Variants in SGIP1 observed in about 807,000 individuals in gnomAD.
The protein encoded by SGIP1 is SH3GL interacting endocytic adaptor 1, also known as SH3-containing GRB2-like protein 3-interacting protein 1.
In SGIP1, 38 loss-of-function variants were observed where a neutral mutation model predicts 107.5. The ratio of observed to expected loss-of-function variants is 0.35; its 90% CI spans 0.27 to 0.46. SGIP1 has a LOEUF of 0.46. Ranked by LOEUF, SGIP1 falls within the 20% of genes least tolerant of loss-of-function variation. SGIP1 has a pLI of 1.00. For missense variants in SGIP1, 929 were observed against 1,019.5 expected (o/e 0.91, Z 1.21); for synonymous variants, 365 against 366.1 (o/e 1.00, Z 0.03).
At chr1:66,722,969 T>C (rs1243279413) in intron 19 of SGIP1, among the ~76,000 whole-genome samples, 1 of 152,236 alleles carries the variant, frequency 6.6e-6, no homozygotes, top group Non-Finnish European at 1.5e-5. Context: ...TGTTTTTAAT[T>C]TTATTGCCAT....
intron 1 of SGIP1, among the ~76,000 whole-genome samples, chr1:66,591,954 C>A (rs2063711768): frequency 6.6e-6 from 1 of 152,190 alleles, no homozygotes; most frequent in South Asian, 2.1e-4. Context: ...GTATTGCCAC[C>A]AGCATGTCTC....
chr1:66,561,038 C>A (rs943988340), intron 1 of SGIP1, among the ~76,000 whole-genome samples: 1 of 152,020 alleles, frequency 6.6e-6, no homozygotes, highest in South Asian at 2.1e-4. Context: ...CCCCAAACAA[C>A]CCTGAAAGAT....
At chr1:66,667,574 G>C in intron 9 of SGIP1, 33 bp downstream of exon 9, 1 of 1,611,398 alleles carries the variant, frequency 6.2e-7, no homozygotes, top group Non-Finnish European at 8.5e-7. Context: ...CCTTAAACAT[G>C]TATAGAGAAA....
chr1:66,576,754 G>T (rs893746274), intron 1 of SGIP1, among the ~76,000 whole-genome samples: 1 of 152,054 alleles, frequency 6.6e-6, no homozygotes, highest in Non-Finnish European at 1.5e-5. Context: ...AGATAAGAAC[G>T]GTACTGGCCA....
In SGIP1 at chr1:66,748,830, C is replaced by T. The variant is rs1244247867; in HGVS notation, c.*5735C>T. Among the ~76,000 whole-genome samples, 3 of 151,916 alleles carry T rather than the reference C, an allele frequency of 2.0e-5. No individual in the cohort carries two copies. The highest frequency in any genetic ancestry group is 4.4e-5 in the Non-Finnish European group (3 of 67,872). ...TGGTCCTATACTATAATTCTCTCTC[C>T]TTGGACATTGACAATAAATGTTAGT... On this transcript the variant is annotated 3_prime_UTR_variant, in exon 25 of 25. Transcript: ENST00000371037.
intron 3 of SGIP1, chr1:66,634,111 T>A: frequency 6.2e-7 from 1 of 1,610,014 alleles, no homozygotes; most frequent in Non-Finnish European, 8.5e-7. Context: ...AAGACTCAGC[T>A]TCTCCTCACC....
chr1:66,738,073 T>C (rs2094328736), intron 21 of SGIP1, among the ~76,000 whole-genome samples: 1 of 152,232 alleles, frequency 6.6e-6, no homozygotes, highest in African/African-American at 2.4e-5. Context: ...CTGCTTTTGA[T>C]CTGCTTTAGT....
At chr1:66,535,082 C>T (rs17129052) in intron 1 of SGIP1, among the ~76,000 whole-genome samples, 45 of 152,228 alleles carry the variant, frequency 3.0e-4, no homozygotes, top group South Asian at 2.9e-3. Context: ...ATGATCTTTT[C>T]GCATATTCAA....
rs917077247 is a variant in SGIP1, at chr1:66,638,019, T to G, written c.172-1758T>G. Reference sequence around the variant, plus strand: ...CAGTAATTTATCTAATCTGTGGTTTTGGGTAACAATCCTAGATCACAAAAT... The same window carrying G: ...CAGTAATTTATCTAATCTGTGGTTTGGGGTAACAATCCTAGATCACAAAAT... On this transcript the variant is annotated intron_variant, in intron 4 of 24. Transcript: ENST00000371037. 2.0e-5 allele frequency among the ~76,000 whole-genome samples: 3 copies of G among 152,082 alleles called. No homozygotes were observed. In the East Asian group the frequency reaches 5.8e-4, roughly 29 times the overall value.
intron 1 of SGIP1, among the ~76,000 whole-genome samples, chr1:66,593,400 C>T (rs763808303): frequency 2.0e-5 from 3 of 152,096 alleles, no homozygotes; most frequent in Non-Finnish European, 4.4e-5. Context: ...TACCACTTTG[C>T]GTTTCTACTA....
At chr1:66,697,898 G>A (rs981894811) in intron 18 of SGIP1, among the ~76,000 whole-genome samples, 11 of 151,932 alleles carry the variant, frequency 7.2e-5, no homozygotes, top group Admixed American at 6.6e-4. Flanking sequence ...AGGGCACTCT[G>A]GTTTTACCCA....
chr1:66,615,016 T>C (rs1570632439), intron 1 of SGIP1, among the ~76,000 whole-genome samples: 1 of 151,932 alleles, frequency 6.6e-6, no homozygotes, highest in Admixed American at 6.6e-5. Context: ...AGACGGGGTT[T>C]CTCCATGTTG....
At chr1:66,709,349 G>A (rs1033726113) in intron 18 of SGIP1, among the ~76,000 whole-genome samples, 4 of 151,980 alleles carry the variant, frequency 2.6e-5, no homozygotes, top group African/African-American at 4.8e-5. Flanking sequence ...TGCTACCATG[G>A]GTAAGGACGA....
rs375448618 is a variant in SGIP1, at chr1:66,739,553, T to C, written c.2234+16T>C. 5 of 1,612,654 alleles carry C rather than the reference T, an allele frequency of 3.1e-6. No individual in the cohort carries two copies. In the African/African-American group the frequency reaches 5.3e-5, roughly 17 times the overall value. ...CAGCAGTCTGGTATGAAGCCTCCTA[T>C]TCTCTCCACCAAAGGGCTCCTCTGG... On this transcript the variant is annotated intron_variant, in intron 22 of 24. Coordinates refer to ENST00000371037, the MANE Select transcript of SGIP1 (RefSeq NM_032291.4).
intron 3 of SGIP1, among the ~76,000 whole-genome samples, chr1:66,633,566 C>T (rs1286895822): frequency 6.6e-6 from 1 of 152,138 alleles, no homozygotes; most frequent in Non-Finnish European, 1.5e-5. Flanking sequence ...GTCTTGAAAA[C>T]CACTTAAGCC....
intron 1 of SGIP1, among the ~76,000 whole-genome samples, chr1:66,549,147 C>A (rs1326970640): frequency 1.1e-5 from 1 of 93,754 alleles, no homozygotes; most frequent in Non-Finnish European, 2.1e-5. Flanking sequence ...GCCTTCCTTC[C>A]TTCCTTCCTT....
At chr1:66,589,204 A>G (rs377352686) in intron 1 of SGIP1, among the ~76,000 whole-genome samples, 1,799 of 57,476 alleles carry the variant, frequency 0.031, 142 homozygotes, top group African/African-American at 0.077. Context: ...ATATATATAT[A>G]TATATATATA....
At chr1:66,630,845 A>AAGAGAGAGAGAGAGAGAG (rs1432133509) in intron 2 of SGIP1, among the ~76,000 whole-genome samples, 1 of 25,222 alleles carries the variant, frequency 4.0e-5, no homozygotes, top group African/African-American at 1.8e-4. Context: ...GAAAGAAAGA[A>AAGAGAGAGAGAGAGAGAG]AGAAAGAAAG....
chr1:66,733,208 C>T (rs1163071777), intron 20 of SGIP1, among the ~76,000 whole-genome samples: 1 of 152,140 alleles, frequency 6.6e-6, no homozygotes, highest in Non-Finnish European at 1.5e-5. Flanking sequence ...TTTAAATGCT[C>T]ATGGATGAAA....
Sources: gnomAD v4.1 joint callset for allele counts (sites outside exome capture counted in the v4.1 genomes callset) on GRCh38, gnomAD v4.1.1 for gene constraint, MANE v1.5 for transcripts, NCBI Gene and HGNC (gene_info 2026-07-23, HGNC 2026-07-21) for gene names.